SSBP2: variants seen among roughly 807,000 people sequenced by gnomAD.
The protein encoded by SSBP2 is single-stranded DNA-binding protein 2.
SSBP2 carries 17 observed loss-of-function variants against 61.8 expected under a neutral mutation model. That is an observed-to-expected ratio of 0.28 (90% confidence interval 0.19 to 0.41). The LOEUF is 0.41. SSBP2 is among the 10% of genes least tolerant of loss of function. The probability of loss-of-function intolerance (pLI) is 1.00; values close to 1 mark genes in which losing one functional copy is unlikely to be tolerated. For missense variants in SSBP2, 310 were observed against 458.7 expected, an observed-to-expected ratio of 0.68 and a Z score of 2.96; for synonymous variants, 139 against 141.3, an observed-to-expected ratio of 0.98 and a Z score of 0.12.
Position 81,552,117 on chromosome 5 carries a change from TA to T in SSBP2, c.283-38401del, listed in dbSNP as rs1285254060. 5.3e-5 allele frequency among the ~76,000 whole-genome samples: 8 copies of T among 152,194 alleles called. 1 individual carries two copies. The highest frequency in any genetic ancestry group is 1.3e-4 in the Admixed American group (2 of 15,274). ...TTTTGTAGCATAAAATTAATAACATTATCTTGGTTAGTGAGTATATGAATAT... is the reference window on the plus strand; with the variant it reads ...TTTTGTAGCATAAAATTAATAACATTTCTTGGTTAGTGAGTATATGAATAT... On this transcript the variant is annotated intron_variant, in intron 4 of 16. Coordinates refer to ENST00000320672, the MANE Select transcript of SSBP2 (RefSeq NM_012446.5).
intron 2 of SSBP2, among the ~76,000 whole-genome samples, chr5:81,639,610 A>C (rs1232027737): frequency 2.6e-5 from 4 of 151,926 alleles, no homozygotes; most frequent in Non-Finnish European, 4.4e-5. Flanking sequence ...AAATACGGAG[A>C]TCCAGAAAGA....
intron 3 of SSBP2, among the ~76,000 whole-genome samples, chr5:81,623,151 G>A (rs200055747): frequency 1.3e-5 from 2 of 151,974 alleles, no homozygotes; most frequent in East Asian, 3.9e-4. Context: ...TCTTAAAACC[G>A]AAGTTTTGTA....
At chr5:81,447,939 C>T (rs1763508277) in intron 11 of SSBP2, 1 of 152,126 alleles carries the variant, frequency 6.6e-6, no homozygotes, top group Non-Finnish European at 1.5e-5. Context: ...TTCACAGGTC[C>T]AAAGCAGTGT....
chr5:81,424,305 T>C (rs966412120), intron 16 of SSBP2, among the ~76,000 whole-genome samples: 23 of 152,120 alleles, frequency 1.5e-4, no homozygotes, highest in African/African-American at 4.8e-4. Context: ...ACGCCTGTAA[T>C]CCCAGCTACT....
chr5:81,635,733 G>A (rs989868558), intron 3 of SSBP2, among the ~76,000 whole-genome samples: 3 of 151,894 alleles, frequency 2.0e-5, no homozygotes, highest in Non-Finnish European at 2.9e-5. Flanking sequence ...ACAGGTGCCC[G>A]CCACCACGCC....
At chr5:81,658,403 C>A (rs372000698) in intron 1 of SSBP2, among the ~76,000 whole-genome samples, 1 of 152,122 alleles carries the variant, frequency 6.6e-6, no homozygotes, top group Non-Finnish European at 1.5e-5. Context: ...CCCACAGACA[C>A]CAAAATCCAC....
rs758739475 is a variant in SSBP2, at chr5:81,474,489, T to C, written c.499+7A>G. 1 of 1,611,800 alleles carries C rather than the reference T, an allele frequency of 6.2e-7. No individual in the cohort carries two copies. The highest frequency in any genetic ancestry group is 1.1e-5 in the South Asian group (1 of 90,982). On this transcript the variant is annotated splice_region_variant and intron_variant, in intron 7 of 16. Transcript: ENST00000320672. ...CATCAATTTTCCTTTTACTTTAGAGTAGTCACCTTGTTGTCGAGTTGGATC... is the reference window on the plus strand; with the variant it reads ...CATCAATTTTCCTTTTACTTTAGAGCAGTCACCTTGTTGTCGAGTTGGATC...
At chr5:81,746,936 G>A (rs1581470703) in intron 1 of SSBP2, among the ~76,000 whole-genome samples, 1 of 147,948 alleles carries the variant, frequency 6.8e-6, no homozygotes, top group South Asian at 2.1e-4. Context: ...GGCATACTGT[G>A]TGGCTTTAAG....
At chr5:81,452,668 G>A (rs1763854151) in intron 10 of SSBP2, among the ~76,000 whole-genome samples, 2 of 152,212 alleles carry the variant, frequency 1.3e-5, no homozygotes, top group Admixed American at 1.3e-4. Context: ...GGTTTTCAAC[G>A]TGGTGACTGG....
At chr5:81,516,903 T>C (rs1031259720) in intron 4 of SSBP2, among the ~76,000 whole-genome samples, 1 of 152,110 alleles carries the variant, frequency 6.6e-6, no homozygotes, top group Non-Finnish European at 1.5e-5. Context: ...CCAAAACTCA[T>C]GAGTCAAATT....
intron 3 of SSBP2, among the ~76,000 whole-genome samples, chr5:81,617,068 G>T (rs1432207806): frequency 1.1e-5 from 1 of 89,460 alleles, no homozygotes; most frequent in African/African-American, 4.6e-5. Context: ...AAGGAATGCA[G>T]TTCCTCACCA....
intron 10 of SSBP2, among the ~76,000 whole-genome samples, chr5:81,457,004 G>GT (rs1215303524): frequency 1.3e-5 from 2 of 152,196 alleles, no homozygotes; most frequent in Non-Finnish European, 2.9e-5. Context: ...AGGTATAGAC[G>GT]TGTGTGGGTG....
At chr5:81,454,319 T>C (rs1462009929) in intron 10 of SSBP2, among the ~76,000 whole-genome samples, 1 of 152,122 alleles carries the variant, frequency 6.6e-6, no homozygotes, top group East Asian at 1.9e-4. Context: ...GAAAGGGACA[T>C]AGACTAAAGA....
intron 1 of SSBP2, among the ~76,000 whole-genome samples, chr5:81,678,392 A>G (rs1413832780): frequency 2.6e-5 from 4 of 152,168 alleles, no homozygotes; most frequent in African/African-American, 9.7e-5. Context: ...GCAAAAAATA[A>G]ATAAAAAGAA....
chr5:81,636,309 C>T (rs1461255416), intron 3 of SSBP2, among the ~76,000 whole-genome samples: 2 of 152,128 alleles, frequency 1.3e-5, no homozygotes, highest in Non-Finnish European at 2.9e-5. Context: ...CATCCCAAGC[C>T]GTTACAGAAT....
At chr5:81,523,052 C>T (rs1769614397) in intron 4 of SSBP2, among the ~76,000 whole-genome samples, 1 of 151,942 alleles carries the variant, frequency 6.6e-6, no homozygotes, top group Admixed American at 6.6e-5. Context: ...AATATTGTAG[C>T]TGGTATTTGC....
In SSBP2 at chr5:81,504,821, G is replaced by A. The variant is rs531533604; in HGVS notation, c.372+8807C>T. On this transcript the variant is annotated intron_variant, in intron 5 of 16. Coordinates refer to ENST00000320672, the MANE Select transcript of SSBP2 (RefSeq NM_012446.5). ...AGTGACTCTGGTATGAATGGCAGGGGGGCAATATTTGTTGCTAAATATCAT... is the reference window on the plus strand; with the variant it reads ...AGTGACTCTGGTATGAATGGCAGGGAGGCAATATTTGTTGCTAAATATCAT... Among the ~76,000 whole-genome samples, 99 of 152,174 alleles carry A rather than the reference G, an allele frequency of 6.5e-4. 1 individual carries two copies. Among genetic ancestry groups the A allele is most frequent in the African/African-American group, 2.3e-3 (96 of 41,510 alleles).
chr5:81,709,523 T>C (rs6877875), intron 1 of SSBP2, among the ~76,000 whole-genome samples: 31,471 of 151,668 alleles, frequency 0.21, 3,380 homozygotes, highest in East Asian at 0.24. Context: ...CAAATCTTAA[T>C]CTAGCTCACA....
intron 1 of SSBP2, among the ~76,000 whole-genome samples, chr5:81,699,631 TTCC>T (rs1344811379): frequency 6.6e-6 from 1 of 152,176 alleles, no homozygotes; most frequent in Non-Finnish European, 1.5e-5. Flanking sequence ...CTGCAGTGAC[TTCC>T]TCAACTCCGG....
Sources: gnomAD v4.1 joint callset for allele counts (sites outside exome capture counted in the v4.1 genomes callset) on GRCh38, gnomAD v4.1.1 for gene constraint, MANE v1.5 for transcripts, NCBI Gene and HGNC (gene_info 2026-07-23, HGNC 2026-07-21) for gene names.